REDIC1: variants seen among roughly 807,000 people sequenced by gnomAD.
REDIC1 encodes the protein HEI10 Interacting Protein 1.
At chr12:39,905,270 A>G in the REDIC1 span, among the ~76,000 whole-genome samples, 1 of 152,118 alleles carries the variant, frequency 6.6e-6, no homozygotes, top group Non-Finnish European at 1.5e-5. Context: ...TGCATTCATC[A>G]TCTCTGTCTT....
chr12:39,901,474 T>C, the REDIC1 span, among the ~76,000 whole-genome samples: 47,450 of 136,026 alleles, frequency 0.35, 8,686 homozygotes, highest in Non-Finnish European at 0.44. Flanking sequence ...GAATCTACAA[T>C]GAACTCAAAC....
the REDIC1 span, among the ~76,000 whole-genome samples, chr12:39,744,374 C>CA: frequency 1.3e-5 from 2 of 151,968 alleles, no homozygotes; most frequent in African/African-American, 2.4e-5. Context: ...CAGATCTGCA[C>CA]AAAAAATGGA....
At chr12:39,812,360 TTC>T in the REDIC1 span, among the ~76,000 whole-genome samples, 2 of 145,818 alleles carry the variant, frequency 1.4e-5, no homozygotes, top group African/African-American at 2.6e-5. Context: ...TTCTTTTCTT[TTC>T]TTTTCTTTTC....
the REDIC1 span, among the ~76,000 whole-genome samples, chr12:39,854,933 C>T: frequency 1.3e-5 from 2 of 152,226 alleles, no homozygotes; most frequent in Non-Finnish European, 1.5e-5. Flanking sequence ...GCTCCCTCCT[C>T]TGTGACGGGT....
chr12:39,679,941 G>T, the REDIC1 span, among the ~76,000 whole-genome samples: 8 of 152,306 alleles, frequency 5.3e-5, no homozygotes, highest in African/African-American at 1.9e-4. Context: ...CAAGCCACAT[G>T]TAGTATGAAA....
chr12:39,677,176 AG>A, the REDIC1 span, among the ~76,000 whole-genome samples: 5 of 152,134 alleles, frequency 3.3e-5, no homozygotes, highest in Admixed American at 6.5e-5. Flanking sequence ...CCATCCACCA[AG>A]TATCCATTGT....
chr12:39,707,626 G>T, the REDIC1 span, among the ~76,000 whole-genome samples: 3 of 151,838 alleles, frequency 2.0e-5, no homozygotes, highest in Non-Finnish European at 4.4e-5. Context: ...ATCAACAAAT[G>T]AATCACTAAA....
the REDIC1 span, among the ~76,000 whole-genome samples, chr12:39,887,235 G>A: frequency 1.3e-5 from 2 of 152,170 alleles, no homozygotes. Flanking sequence ...GTTGTCACTA[G>A]TAGTGAAATT....
At chr12:39,743,569 A>G in the REDIC1 span, among the ~76,000 whole-genome samples, 24 of 152,200 alleles carry the variant, frequency 1.6e-4, no homozygotes, top group Admixed American at 4.6e-4. Flanking sequence ...GGAATTTGAA[A>G]CACTAGAAAG....
At chr12:39,897,229 A>G in the REDIC1 span, among the ~76,000 whole-genome samples, 1 of 152,192 alleles carries the variant, frequency 6.6e-6, no homozygotes, top group African/African-American at 2.4e-5. Context: ...TGAAACCTAC[A>G]TGACTAGCAC....
chr12:39,765,798 G>A, the REDIC1 span, among the ~76,000 whole-genome samples: 24 of 152,186 alleles, frequency 1.6e-4, no homozygotes, highest in African/African-American at 5.5e-4. Context: ...AATGCGTGCT[G>A]TAGTGGTTTG....
chr12:39,831,694 C>T, the REDIC1 span, among the ~76,000 whole-genome samples: 2 of 151,978 alleles, frequency 1.3e-5, no homozygotes, highest in African/African-American at 2.4e-5. Context: ...TTAGTGCCAT[C>T]CCCTTGGTGA....
At chr12:39,697,276 C>G in the REDIC1 span, among the ~76,000 whole-genome samples, 1 of 152,292 alleles carries the variant, frequency 6.6e-6, no homozygotes, top group African/African-American at 2.4e-5. Context: ...AAATCTCCCT[C>G]AAACATGAAG....
At chr12:39,674,765 G>C in the REDIC1 span, among the ~76,000 whole-genome samples, 1 of 152,204 alleles carries the variant, frequency 6.6e-6, no homozygotes, top group Non-Finnish European at 1.5e-5. Context: ...GCCCAGGGAA[G>C]CCATCCCTGG....
the REDIC1 span, among the ~76,000 whole-genome samples, chr12:39,639,252 T>C: frequency 5.9e-4 from 90 of 152,104 alleles, 1 homozygote; most frequent in East Asian, 0.015. Flanking sequence ...TGATGCTGCA[T>C]GCAGCAGAAT....
the REDIC1 span, among the ~76,000 whole-genome samples, chr12:39,895,744 G>A: frequency 1.2e-3 from 51 of 42,912 alleles, 1 homozygote; most frequent in East Asian, 3.9e-3. Context: ...GTACACACAT[G>A]TATATGCGTG....
the REDIC1 span, among the ~76,000 whole-genome samples, chr12:39,701,828 C>T: frequency 6.6e-6 from 1 of 151,734 alleles, no homozygotes; most frequent in Non-Finnish European, 1.5e-5. Context: ...ACAACCTGCT[C>T]CTGAATGACT....
At chr12:39,781,593 G>A in the REDIC1 span, among the ~76,000 whole-genome samples, 4 of 152,336 alleles carry the variant, frequency 2.6e-5, no homozygotes, top group African/African-American at 9.6e-5. Flanking sequence ...GCGATTTTAT[G>A]TAAGGAGAGA....
chr12:39,712,596 TAC>T, the REDIC1 span, among the ~76,000 whole-genome samples: 2 of 145,060 alleles, frequency 1.4e-5, no homozygotes, highest in Admixed American at 6.9e-5. Context: ...TATACGTATA[TAC>T]ATATATATGT....
Sources: gnomAD v4.1 joint callset for allele counts (sites outside exome capture counted in the v4.1 genomes callset) on GRCh38, gnomAD v4.1.1 for gene constraint, MANE v1.5 for transcripts, NCBI Gene and HGNC (gene_info 2026-07-23, HGNC 2026-07-21) for gene names.